The following MED14 variants were observed in gnomAD, a reference collection of about 807,000 sequenced individuals.
The protein encoded by MED14 is mediator complex subunit 14, also known as mediator of RNA polymerase II transcription subunit 14.
MED14 carries 8 observed loss-of-function variants against 109.0 expected under a neutral mutation model. The observed-to-expected ratio is 0.07, with a 90% CI of 0.04 to 0.13. The LOEUF (loss-of-function observed/expected upper bound fraction) is 0.13, where lower values mean the gene tolerates loss of function less well. MED14 is among the 10% of genes least tolerant of loss of function. The pLI, the probability that MED14 is intolerant of heterozygous loss-of-function variation, is 1.00. For synonymous variants in MED14, 399 were observed against 408.7 expected, an observed-to-expected ratio of 0.98 and a Z score of 0.29; for missense variants, 711 against 1,142.4, an observed-to-expected ratio of 0.62 and a Z score of 5.44.
At chrX:40,702,291 TA>T (rs1266595253) in intron 11 of MED14, among the ~76,000 whole-genome samples, 2 of 112,055 alleles carry the variant, frequency 1.8e-5, no homozygotes, top group Non-Finnish European at 3.8e-5. Context: ...TTAAGTTTTT[TA>T]TTTATGAGTA....
Position 40,722,797 on chromosome X carries a change from G to C in MED14, c.348+3949C>G, listed in dbSNP as rs775087994. Among the ~76,000 whole-genome samples, 4 of 111,584 alleles carry C rather than the reference G, an allele frequency of 3.6e-5. No individual in the cohort carries two copies. In the South Asian group the frequency reaches 1.5e-3, roughly 42 times the overall value. On this transcript the variant is annotated intron_variant, in intron 3 of 30. Transcript: ENST00000324817. ...GAGACTTTTCAGTGAAAACCTTACA[G>C]GCCAGAAGAGAGTGGCATGACATAT...
chrX:40,713,232 C>T (rs1344749457), intron 5 of MED14, among the ~76,000 whole-genome samples, 190 bp from the exon 6 acceptor site: 1 of 111,516 alleles, frequency 9.0e-6, no homozygotes, highest in East Asian at 2.8e-4. Context: ...AAATGAAAGG[C>T]AACTCTTCTA....
chrX:40,702,407 C>T (rs1464318273), intron 11 of MED14, among the ~76,000 whole-genome samples: 5 of 93,728 alleles, frequency 5.3e-5, no homozygotes, highest in Non-Finnish European at 1.0e-4. Flanking sequence ...AGTGCAGTGG[C>T]GCGATCTCGG....
chrX:40,661,624 C>T (rs183799060), intron 26 of MED14, among the ~76,000 whole-genome samples: 1 of 112,351 alleles, frequency 8.9e-6, no homozygotes, highest in East Asian at 2.8e-4. Context: ...CATGAACTAT[C>T]TCAAATTCAC....
At chrX:40,654,659 G>A (rs775873978) in intron 29 of MED14, 103 bp from the exon 30 acceptor site, 1 of 876,253 alleles carries the variant, frequency 1.1e-6, no homozygotes, top group Non-Finnish European at 1.6e-6. Context: ...ATTAAGATAA[G>A]CAAGCAAAAG....
chrX:40,687,501 A>AT (rs1400736826), intron 16 of MED14, among the ~76,000 whole-genome samples: 2 of 111,883 alleles, frequency 1.8e-5, no homozygotes, highest in Non-Finnish European at 3.8e-5. Context: ...TCTTAGTGCC[A>AT]TTAGGATAAA....
chrX:40,690,330 C>A (rs1930452266), intron 15 of MED14, among the ~76,000 whole-genome samples: 1 of 111,546 alleles, frequency 9.0e-6, no homozygotes, highest in Non-Finnish European at 1.9e-5. Context: ...CAATTTCACA[C>A]CTTATCCTCT....
chrX:40,664,220 G>C (rs1003642634), intron 25 of MED14, 87 bp downstream of exon 25: 1 of 889,247 alleles, frequency 1.1e-6, no homozygotes, highest in Non-Finnish European at 1.6e-6. Context: ...CAAAAAGTAG[G>C]TCATGACTTT....
chrX:40,730,028 CCA>C (rs1289271904), intron 1 of MED14, among the ~76,000 whole-genome samples: 2 of 111,916 alleles, frequency 1.8e-5, no homozygotes, highest in Non-Finnish European at 3.8e-5. Context: ...TCCTGAATTG[CCA>C]CATTCTGTTA....
At chrX:40,678,651 A>G (rs753124216) in intron 21 of MED14, among the ~76,000 whole-genome samples, 16 of 110,014 alleles carry the variant, frequency 1.5e-4, no homozygotes, top group African/African-American at 5.3e-4. Flanking sequence ...AAGAAACCCC[A>G]TCTCTACAAA....
In MED14 at chrX:40,654,791, T is replaced by C. The variant is rs1344573342; in HGVS notation, c.4098+144A>G. On this transcript the variant is annotated intron_variant, in intron 29 of 30. Transcript: ENST00000324817. The stretch of plus-strand genomic sequence containing the variant: ...TATTACTAAAGGAACCAGGATGTCA[T>C]GACATCTACGCTGACAATTAAGGAA... 5.0e-6 allele frequency: 4 copies of C among 806,839 alleles called. No homozygotes were observed. In the East Asian group the frequency reaches 1.4e-4, roughly 28 times the overall value. The allele number at this position is 806,839 out of a possible 1,213,427, so 66.5% of individuals were successfully genotyped here. A position where few individuals can be genotyped will look rare whatever the true frequency, so the allele number is the denominator to read the frequency against.
chrX:40,693,374 AATAGT>A (rs1176483708), intron 13 of MED14, among the ~76,000 whole-genome samples: 2 of 110,998 alleles, frequency 1.8e-5, no homozygotes, highest in Non-Finnish European at 3.8e-5. Context: ...ATGTTCTTGT[AATAGT>A]GAATGGGTCT....
intron 26 of MED14, chrX:40,659,927 T>C (rs1004360615): frequency 6.7e-5 from 10 of 148,556 alleles, no homozygotes; most frequent in Non-Finnish European, 1.2e-4. Flanking sequence ...AAAAAAATAC[T>C]AAGTGATTCC....
intron 26 of MED14, among the ~76,000 whole-genome samples, chrX:40,661,071 C>T (rs1173029323): frequency 4.5e-5 from 5 of 111,063 alleles, no homozygotes; most frequent in Admixed American, 2.8e-4. Flanking sequence ...TGTGCCACCA[C>T]ACCCAGATAA....
At chrX:40,688,824 T>C (rs772374600) in intron 15 of MED14, among the ~76,000 whole-genome samples, 1 of 112,225 alleles carries the variant, frequency 8.9e-6, no homozygotes, top group Non-Finnish European at 1.9e-5. Context: ...AAAAGTAATC[T>C]AGAATCAATT....
intron 3 of MED14, among the ~76,000 whole-genome samples, chrX:40,724,724 A>T (rs1203023684): frequency 1.8e-5 from 2 of 111,882 alleles, no homozygotes; most frequent in African/African-American, 6.5e-5. Context: ...AAGAAGAAAA[A>T]CTTCAAATAA....
chrX:40,731,113 C>T (rs774693787), intron 1 of MED14, among the ~76,000 whole-genome samples: 51 of 104,315 alleles, frequency 4.9e-4, no homozygotes, highest in Non-Finnish European at 9.7e-5. Flanking sequence ...TGCATTCCAG[C>T]CTGGGTGACA....
chrX:40,694,704 T>C (rs981223900), intron 13 of MED14, among the ~76,000 whole-genome samples: 2 of 112,079 alleles, frequency 1.8e-5, no homozygotes, highest in African/African-American at 6.5e-5. Context: ...AATGACTAAC[T>C]GTTGGCAAGC....
At chrX:40,709,214 G>A (rs1329363147) in intron 10 of MED14, 134 bp downstream of exon 10, 17 of 312,651 alleles carry the variant, frequency 5.4e-5, no homozygotes, top group Non-Finnish European at 9.7e-5. Flanking sequence ...CAGATCACAA[G>A]TTAAAATGCA....
Sources: gnomAD v4.1 joint callset for allele counts (sites outside exome capture counted in the v4.1 genomes callset) on GRCh38, gnomAD v4.1.1 for gene constraint, MANE v1.5 for transcripts, NCBI Gene and HGNC (gene_info 2026-07-23, HGNC 2026-07-21) for gene names.